Variants in ASXL1 observed in about 807,000 individuals in gnomAD.
ASXL1 encodes the protein polycomb group protein ASXL1.
ASXL1 carries 65 observed loss-of-function variants against 89.1 expected under a neutral mutation model. The observed-to-expected ratio is 0.73, with a 90% CI of 0.60 to 0.90. ASXL1 has a LOEUF of 0.90. Among genes scored for constraint, ASXL1 ranks in the 40% least tolerant of loss-of-function variants. ASXL1 has a pLI of 0.00. For synonymous variants in ASXL1, 739 were observed against 746.9 expected, an observed-to-expected ratio of 0.99 and a Z score of 0.17; for missense variants, 1,786 against 1,942.9, an observed-to-expected ratio of 0.92 and a Z score of 1.52.
intron 4 of ASXL1, chr20:32,372,290 A>G: frequency 1.6e-6 from 2 of 1,233,170 alleles, no homozygotes; most frequent in East Asian, 3.9e-5. Flanking sequence ...GAGATGTGCT[A>G]ATTGAATATT....
chr20:32,410,835 C>G (rs947171941), intron 4 of ASXL1, among the ~76,000 whole-genome samples: 1 of 151,960 alleles, frequency 6.6e-6, no homozygotes, highest in African/African-American at 2.4e-5. Context: ...TTGAGACCAG[C>G]CTTGCCAACA....
chr20:32,414,416 A>T (rs1325115871), intron 4 of ASXL1, among the ~76,000 whole-genome samples: 3 of 150,388 alleles, frequency 2.0e-5, no homozygotes, highest in East Asian at 2.0e-4. Context: ...TTATTTTTTT[A>T]AAAAAATATT....
At chr20:32,399,848 G>A (rs1248825383) in intron 4 of ASXL1, among the ~76,000 whole-genome samples, 1 of 128,508 alleles carries the variant, frequency 7.8e-6, no homozygotes, top group Non-Finnish European at 1.6e-5. Context: ...TACAACCTCC[G>A]CCTCCTGGTT....
At chr20:32,369,833 ATTC>A (rs1241118978) in intron 4 of ASXL1, among the ~76,000 whole-genome samples, 2 of 148,828 alleles carry the variant, frequency 1.3e-5, no homozygotes, top group Non-Finnish European at 3.0e-5. Context: ...GGTTCAAGCA[ATTC>A]TTCTGCCTCA....
intron 4 of ASXL1, among the ~76,000 whole-genome samples, chr20:32,376,855 AAT>A (rs2048388609): frequency 7.2e-6 from 1 of 139,664 alleles, no homozygotes; most frequent in African/African-American, 2.6e-5. Context: ...ATAGATATAT[AAT>A]ATATAATTAT....
intron 4 of ASXL1, among the ~76,000 whole-genome samples, chr20:32,382,732 G>C (rs1361904342): frequency 1.3e-5 from 2 of 152,018 alleles, no homozygotes; most frequent in Non-Finnish European, 2.9e-5. Context: ...ACTGCAGTGA[G>C]CTGTGATTGT....
chr20:32,434,474 C>T lies in ASXL1; in HGVS notation c.1762C>T (p.Gln588Ter), dbSNP rs1486082302. 7 of 1,613,976 alleles carry T rather than the reference C, an allele frequency of 4.3e-6. No individual in the cohort carries two copies. Among genetic ancestry groups the T allele is most frequent in the Non-Finnish European group, 5.9e-6 (7 of 1,180,016 alleles). The change falls in exon 13 of 13, where the codon CAG becomes TAG. Residue 588 changes from glutamine to a stop codon, truncating the protein, a stop_gained. Transcript: ENST00000375687. LOFTEE classifies it low-confidence loss of function (END_TRUNC). Reference sequence around the variant, plus strand: ...CAAACCACCCTGGGTGGTTAAAGGTCAGCCCACTTACCAGATATGCCCCCG... The same window carrying T: ...CAAACCACCCTGGGTGGTTAAAGGTTAGCCCACTTACCAGATATGCCCCCG... ...RIKPPWVVKG[Q>*]PTYQICPRII...
Position 32,438,914 on chromosome 20 carries a change from C to T in ASXL1, c.*1576C>T, listed in dbSNP as rs1600598871. 8.6e-6 allele frequency: 2 copies of T among 233,386 alleles called. No homozygotes were observed. The highest frequency in any genetic ancestry group is 4.4e-5 in the African/African-American group (2 of 45,358). The allele number at this position is 233,386 out of a possible 1,614,324, so 14.5% of individuals were successfully genotyped here. On this transcript the variant is annotated 3_prime_UTR_variant, in exon 13 of 13. Coordinates refer to ENST00000375687, the MANE Select transcript of ASXL1 (RefSeq NM_015338.6). Reference sequence around the variant, plus strand: ...TGTTTTCCCTTGCCTTGTTTCCTGCCTTATATCTTGTATTTCGACTTATTA... The same window carrying T: ...TGTTTTCCCTTGCCTTGTTTCCTGCTTTATATCTTGTATTTCGACTTATTA...
chr20:32,405,995 G>A (rs1600534778), intron 4 of ASXL1, among the ~76,000 whole-genome samples: 1 of 152,128 alleles, frequency 6.6e-6, no homozygotes, highest in Middle Eastern at 3.4e-3. Context: ...AATATATACA[G>A]TCATAGTTAG....
intron 4 of ASXL1, chr20:32,372,685 C>G (rs894241845): frequency 6.3e-6 from 1 of 159,004 alleles, no homozygotes; most frequent in Non-Finnish European, 1.4e-5. Flanking sequence ...ACCTCCACCG[C>G]CCAGGCTGAA....
chr20:32,432,750 C>G, intron 10 of ASXL1, 130 bp from the exon 11 acceptor site: 1 of 1,137,072 alleles, frequency 8.8e-7, no homozygotes. Flanking sequence ...TAGCTCTGTC[C>G]CTATAAGAGC....
intron 4 of ASXL1, among the ~76,000 whole-genome samples, chr20:32,377,125 A>AAC: frequency 9.4e-6 from 1 of 105,992 alleles, no homozygotes; most frequent in Admixed American, 1.2e-4. Flanking sequence ...TAGATATATT[A>AAC]ATATAATATA....
At chr20:32,415,933 G>GAAAACA (rs11468819) in intron 4 of ASXL1, among the ~76,000 whole-genome samples, 5 of 151,986 alleles carry the variant, frequency 3.3e-5, no homozygotes, top group African/African-American at 7.3e-5. Context: ...ATTTAAAAAA[G>GAAAACA]AAAACAAAAA....
In ASXL1 at chr20:32,436,722, A is replaced by G; in HGVS notation, c.4010A>G (p.Lys1337Arg). ...ATCCCTCCAGTTTTTCCCAGTGGGAAGTTGGGACCAAGCACAAACTCCATG... is the reference window on the plus strand; with the variant it reads ...ATCCCTCCAGTTTTTCCCAGTGGGAGGTTGGGACCAAGCACAAACTCCATG... The part of the protein sequence containing the change: ...AEIPPVFPSG[K>R]LGPSTNSMSG... The change falls in exon 13 of 13, where the codon AAG becomes AGG. Residue 1337 changes from lysine (K) to arginine (R), a missense_variant. Coordinates refer to ENST00000375687, the MANE Select transcript of ASXL1 (RefSeq NM_015338.6). 6.2e-7 allele frequency: 1 copy of G among 1,614,040 alleles called. No individual in the cohort carries two copies. Among genetic ancestry groups the G allele is most frequent in the Non-Finnish European group, 8.5e-7 (1 of 1,180,020 alleles).
intron 4 of ASXL1, among the ~76,000 whole-genome samples, chr20:32,416,463 A>C (rs971077605): frequency 6.6e-6 from 1 of 152,224 alleles, no homozygotes; most frequent in African/African-American, 2.4e-5. Context: ...ACTATCATTA[A>C]TTTAACGTGC....
At chr20:32,392,447 T>C (rs951158895) in intron 4 of ASXL1, among the ~76,000 whole-genome samples, 1 of 151,234 alleles carries the variant, frequency 6.6e-6, no homozygotes, top group Non-Finnish European at 1.5e-5. Flanking sequence ...CATGCCCAGC[T>C]AATTCTGTAT....
chr20:32,411,784 C>T (rs909539091), intron 4 of ASXL1, among the ~76,000 whole-genome samples: 7 of 152,088 alleles, frequency 4.6e-5, no homozygotes, highest in African/African-American at 9.7e-5. Flanking sequence ...GTTATCCACC[C>T]GCTTTGGCCT....
In ASXL1 at chr20:32,369,088, A is replaced by G; in HGVS notation, c.217A>G (p.Lys73Glu). The change falls in exon 4 of 13, where the codon AAA (lysine) becomes GAA (glutamate). Residue 73 changes from lysine to glutamate, a missense_variant. Around this residue, in one of 3 missense-constraint regions of ASXL1, gnomAD observed 332 missense variants for 449.7 expected, o/e 0.74. Coordinates refer to ENST00000375687, the MANE Select transcript of ASXL1 (RefSeq NM_015338.6). Reference sequence around the variant, plus strand: ...AAGAGGAGGAGAGGGGTTGTTTTATAAACTGCCTGGCCGAATCAGCCTTTT... The same window carrying G: ...AAGAGGAGGAGAGGGGTTGTTTTATGAACTGCCTGGCCGAATCAGCCTTTT... ...NSRGGEGLFY[K>E]LPGRISLFTL... 1 of 1,613,962 alleles carries G rather than the reference A, an allele frequency of 6.2e-7. No individual in the cohort carries two copies.
intron 4 of ASXL1, among the ~76,000 whole-genome samples, chr20:32,414,321 T>A (rs61326619): frequency 0.025 from 3,835 of 151,922 alleles, 156 homozygotes; most frequent in African/African-American, 0.086. Flanking sequence ...TTTTTTTTTT[T>A]AATCAGTTCT....
Sources: gnomAD v4.1 joint callset for allele counts (sites outside exome capture counted in the v4.1 genomes callset) on GRCh38, gnomAD v4.1.1 for gene constraint, gnomAD v4.1.1 regional missense constraint, MANE v1.5 for transcripts, NCBI Gene and HGNC (gene_info 2026-07-23, HGNC 2026-07-21) for gene names.